LIG1: variants seen among roughly 807,000 people sequenced by gnomAD.
LIG1 encodes ligase I, DNA, ATP-dependent.
In LIG1, 70 loss-of-function variants were observed where a neutral mutation model predicts 115.7. The observed-to-expected ratio is 0.60, with a 90% CI of 0.50 to 0.74. The LOEUF (loss-of-function observed/expected upper bound fraction) is 0.74. LIG1 is among the 30% of genes least tolerant of loss of function. The pLI is 0.00. For synonymous variants in LIG1, 487 were observed against 495.3 expected (o/e 0.98, Z 0.22); for missense variants, 1,115 against 1,225.6 (o/e 0.91, Z 1.35).
chr19:48,163,357 G>A (rs1423698117), intron 2 of LIG1, among the ~76,000 whole-genome samples: 1 of 152,104 alleles, frequency 6.6e-6, no homozygotes, highest in African/African-American at 2.4e-5. Flanking sequence ...GAGTAGCTGA[G>A]ATTACAGGTG....
At chr19:48,135,237 G>A (rs1054231047) in intron 16 of LIG1, among the ~76,000 whole-genome samples, 1 of 152,188 alleles carries the variant, frequency 6.6e-6, no homozygotes, top group Non-Finnish European at 1.5e-5. Flanking sequence ...CAACTCCTGG[G>A]TTCAAATGAT....
At chr19:48,156,973 A>G in intron 5 of LIG1, 41 bp downstream of exon 5, 1 of 1,454,598 alleles carries the variant, frequency 6.9e-7, no homozygotes, top group Non-Finnish European at 9.2e-7. Context: ...GAGAAAAAGA[A>G]AGGCAGGCGA....
rs1409954502 is a variant in LIG1, at chr19:48,137,673, G to A, written c.1103C>T (p.Ser368Phe). ...TTTCTCGGCTGCCTCAGCCCGGACG[G>A]ACTCCAGCTGCCGACCTTCAGGGGA... ...VAQATGRQLE[S>F]VRAEAAEKGD... Residue 368 changes from serine to phenylalanine, a missense_variant, in exon 13 of 28, where the codon TCC (serine) becomes TTC (phenylalanine). Transcript: ENST00000263274. The surrounding 1 kb of genome is among the most constrained non-coding windows in gnomAD (Gnocchi z 4.3). The A allele has an allele frequency of 1.9e-6, 3 of 1,604,030 alleles. No individual in the cohort carries two copies. Among genetic ancestry groups the A allele is most frequent in the African/African-American group, 1.3e-5 (1 of 74,916 alleles).
At chr19:48,163,195 G>A (rs936654432) in intron 2 of LIG1, among the ~76,000 whole-genome samples, 3 of 150,534 alleles carry the variant, frequency 2.0e-5, no homozygotes, top group African/African-American at 7.3e-5. Flanking sequence ...TGGGATTACA[G>A]GCATGTGCCC....
At chr19:48,141,828 T>C (rs989603463) in intron 11 of LIG1, among the ~76,000 whole-genome samples, 9 of 152,208 alleles carry the variant, frequency 5.9e-5, no homozygotes. Flanking sequence ...GTAATCATTG[T>C]AGGCAAAAGC....
At chr19:48,145,653 A>G (rs549015826) in intron 9 of LIG1, among the ~76,000 whole-genome samples, 1 of 152,254 alleles carries the variant, frequency 6.6e-6, no homozygotes, top group South Asian at 2.1e-4. Context: ...CGGCATTACA[A>G]TGAGGCAGCA....
chr19:48,127,466 C>T, intron 20 of LIG1, 118 bp from the exon 21 acceptor site: 2 of 930,100 alleles, frequency 2.2e-6, no homozygotes, highest in Non-Finnish European at 3.5e-6. Context: ...GGCTGCCCAT[C>T]TGTGAGGGCG....
At chr19:48,140,282 T>C in intron 11 of LIG1, 139 bp from the exon 12 acceptor site, 1 of 646,300 alleles carries the variant, frequency 1.5e-6, no homozygotes, top group Non-Finnish European at 2.7e-6. Context: ...TCCCAGGCTC[T>C]GGGGCCTGGA....
chr19:48,127,621 GA>G, intron 20 of LIG1: 2 of 606,756 alleles, frequency 3.3e-6, no homozygotes, highest in Non-Finnish European at 5.9e-6. Flanking sequence ...CAATGAGATG[GA>G]AAAGGGGAAA....
Position 48,153,964 on chromosome 19 carries a change from C to T in LIG1, c.374G>A (p.Arg125Gln), listed in dbSNP as rs904883813. The T allele has an allele frequency of 1.9e-6, 3 of 1,613,780 alleles. No homozygotes were observed. Among genetic ancestry groups the T allele is most frequent in the East Asian group, 2.2e-5 (1 of 44,824 alleles). Reference protein sequence around the residue: ...PSGIPKRRTARKQLPKRTIQE... With the variant: ...PSGIPKRRTAQKQLPKRTIQE... ...AATGGTCCGTTTCGGGAGCTGCTTCCGAGCTGGGGAGGCAAAGGGCTTGGT... is the reference window on the plus strand; with the variant it reads ...AATGGTCCGTTTCGGGAGCTGCTTCTGAGCTGGGGAGGCAAAGGGCTTGGT... The change falls in exon 6 of 28, where the codon CGG (arginine) becomes CAG (glutamine). Residue 125 changes from arginine to glutamine, a missense_variant. Coordinates refer to ENST00000263274, the MANE Select transcript of LIG1 (RefSeq NM_000234.3).
rs550966399 is a variant in LIG1, at chr19:48,122,825, G to T, written c.2232+109C>A. ...GGGCTGGGGTGGGATTGTGAAAAGG[G>T]GCCCTGAGCTCAGACAGGGTACACA... On this transcript the variant is annotated intron_variant, in intron 23 of 27. Transcript: ENST00000263274. This position sits in a 1 kb window ranked among gnomAD's most constrained non-coding sequence, Gnocchi z 4.3. 7 of 987,886 alleles carry T rather than the reference G, an allele frequency of 7.1e-6. No homozygotes were observed. The African/African-American group carries it at 1.1e-4, about 16-fold the overall frequency. 61.2% of individuals were successfully genotyped at this position (987,886 alleles called of 1,614,324 possible). A position where few individuals can be genotyped will look rare whatever the true frequency, so the allele number is the denominator to read the frequency against.
Position 48,123,333 on chromosome 19 carries a change from G to C in LIG1, c.2005-15C>G, listed in dbSNP as rs575899041. The C allele has an allele frequency of 1.2e-6, 2 of 1,611,908 alleles. No individual in the cohort carries two copies. The highest frequency in any genetic ancestry group is 2.2e-5 in the South Asian group (2 of 91,068). ...CGTACCAGGGACTGCAGGGCCGGCAGGGAGAAGAGAGATGAGACATCTTTG... is the reference window on the plus strand; with the variant it reads ...CGTACCAGGGACTGCAGGGCCGGCACGGAGAAGAGAGATGAGACATCTTTG... On this transcript the variant is annotated splice_polypyrimidine_tract_variant and intron_variant, in intron 21 of 27. Transcript: ENST00000263274.
At chr19:48,125,036 T>C (rs1472443573) in intron 21 of LIG1, among the ~76,000 whole-genome samples, 2 of 148,700 alleles carry the variant, frequency 1.3e-5, no homozygotes, top group African/African-American at 4.9e-5. Flanking sequence ...ATCATGGGGA[T>C]GAGGACACAT....
At chr19:48,147,989 G>T (rs1301827414) in intron 9 of LIG1, among the ~76,000 whole-genome samples, 1 of 152,184 alleles carries the variant, frequency 6.6e-6, no homozygotes, top group South Asian at 2.1e-4. Flanking sequence ...GGTTAGGGAG[G>T]CTCTTTACCA....
Position 48,133,092 on chromosome 19 carries a change from G to C in LIG1, c.1615C>G (p.Pro539Ala). 1 of 1,604,076 alleles carries C rather than the reference G, an allele frequency of 6.2e-7. No individual in the cohort carries two copies. Reference sequence around the variant, plus strand: ...GGATGGGCCAACATTGGTTTCAGGGGAATCCCTGGGAAAGGAGGAGAGTGA... The same window carrying C: ...GGATGGGCCAACATTGGTTTCAGGGCAATCCCTGGGAAAGGAGGAGAGTGA... ...PEHCKLSPGI[P>A]LKPMLAHPTR... is the part of the protein sequence containing the mutation. Residue 539 changes from proline to alanine, a missense_variant, in exon 18 of 28, where the codon CCC becomes GCC. Coordinates refer to ENST00000263274, the MANE Select transcript of LIG1 (RefSeq NM_000234.3).
chr19:48,140,084 G>C lies in LIG1; in HGVS notation c.974C>G (p.Pro325Arg), dbSNP rs368085245. 5.0e-6 allele frequency: 8 copies of C among 1,613,862 alleles called. No homozygotes were observed. Among genetic ancestry groups the C allele is most frequent in the Non-Finnish European group, 6.8e-6 (8 of 1,180,024 alleles). Residue 325 changes from proline (P) to arginine (R), a missense_variant, in exon 12 of 28, where the codon CCA becomes CGA. Transcript: ENST00000263274. ...LLRSVVALSP[P>R]DLLPVLYLSL... ...GAGGTAGAGGACAGGGAGGAGGTCT[G>C]GAGGCGACAGGGCCACCACGGAGCG...
At chr19:48,116,767 G>C (rs374873200) in intron 26 of LIG1, among the ~76,000 whole-genome samples, 1 of 152,182 alleles carries the variant, frequency 6.6e-6, no homozygotes, top group Non-Finnish European at 1.5e-5. Flanking sequence ...GATACACACC[G>C]GCTCCTGTGC....
intron 7 of LIG1, among the ~76,000 whole-genome samples, chr19:48,150,533 C>A (rs2035404756): frequency 6.6e-6 from 1 of 152,170 alleles, no homozygotes; most frequent in Admixed American, 6.5e-5. Context: ...CCCTAAAATT[C>A]TCCCGGCAAG....
At chr19:48,116,569 TCCC>T (rs2032850730) in intron 26 of LIG1, among the ~76,000 whole-genome samples, 2 of 151,774 alleles carry the variant, frequency 1.3e-5, no homozygotes, top group African/African-American at 4.8e-5. Flanking sequence ...GGGATTCCAA[TCCC>T]AGCTCCCAAC....
Sources: gnomAD v4.1 joint callset for allele counts (sites outside exome capture counted in the v4.1 genomes callset) on GRCh38, gnomAD v4.1.1 for gene constraint, Gnocchi (gnomAD v3.1) non-coding constraint, MANE v1.5 for transcripts, NCBI Gene and HGNC (gene_info 2026-07-23, HGNC 2026-07-21) for gene names.